The following NTRK3 variants were observed in gnomAD, a reference collection of about 807,000 sequenced individuals.
NTRK3 encodes the protein NT-3 growth factor receptor.
In NTRK3, 24 loss-of-function variants were observed where a neutral mutation model predicts 91.7. The observed-to-expected ratio is 0.26, with a 90% CI of 0.19 to 0.37. The LOEUF (loss-of-function observed/expected upper bound fraction) is 0.37. NTRK3 is among the 10% of genes least tolerant of loss of function. The probability of loss-of-function intolerance (pLI) is 1.00; values close to 1 mark genes in which losing one functional copy is unlikely to be tolerated. For missense variants in NTRK3, 880 were observed against 1,068.9 expected, an observed-to-expected ratio of 0.82 and a Z score of 2.46; for synonymous variants, 483 against 404.0, an observed-to-expected ratio of 1.20 and a Z score of -2.34.
At chr15:87,895,285 A>T (rs1337209861) in intron 17 of NTRK3, among the ~76,000 whole-genome samples, 2 of 152,358 alleles carry the variant, frequency 1.3e-5, no homozygotes, top group South Asian at 2.1e-4. Flanking sequence ...TATAGCATAC[A>T]TACACAAAGG....
intron 5 of NTRK3, among the ~76,000 whole-genome samples, chr15:88,182,570 G>A (rs922520138): frequency 1.3e-5 from 2 of 152,162 alleles, no homozygotes; most frequent in Admixed American, 6.5e-5. Flanking sequence ...GGTTCCTGCA[G>A]AGCCTCTGCT....
At chr15:87,933,947 G>A (rs2069034005) in intron 15 of NTRK3, among the ~76,000 whole-genome samples, 1 of 152,190 alleles carries the variant, frequency 6.6e-6, no homozygotes. Flanking sequence ...CTGTCAGGGT[G>A]AAAACTCAAG....
At chr15:87,971,947 T>C (rs2073289865) in intron 14 of NTRK3, among the ~76,000 whole-genome samples, 1 of 152,162 alleles carries the variant, frequency 6.6e-6, no homozygotes, top group Non-Finnish European at 1.5e-5. Flanking sequence ...TTAAACGACA[T>C]TACGAGGTCC....
At chr15:87,984,837 G>C (rs377673366) in intron 14 of NTRK3, among the ~76,000 whole-genome samples, 1 of 152,116 alleles carries the variant, frequency 6.6e-6, no homozygotes, top group African/African-American at 2.4e-5. Flanking sequence ...CAGTTTATAC[G>C]AGGTGTGTGA....
intron 17 of NTRK3, among the ~76,000 whole-genome samples, chr15:87,910,919 C>A (rs1332340450): frequency 2.6e-5 from 4 of 151,902 alleles, no homozygotes; most frequent in Non-Finnish European, 5.9e-5. Context: ...AATTAGTGAC[C>A]CCAAAACTGC....
chr15:88,122,373 G>C (rs1050699772), intron 13 of NTRK3, among the ~76,000 whole-genome samples: 1 of 152,160 alleles, frequency 6.6e-6, no homozygotes, highest in Non-Finnish European at 1.5e-5. Context: ...CATGAGGGGA[G>C]AGACAGCTGA....
intron 13 of NTRK3, among the ~76,000 whole-genome samples, chr15:88,095,452 G>A (rs1294889246): frequency 6.6e-6 from 1 of 152,200 alleles, no homozygotes. Flanking sequence ...CTTACAGGGT[G>A]TCAATGTTGT....
chr15:87,980,364 T>TGTGC (rs397802016), intron 14 of NTRK3, among the ~76,000 whole-genome samples: 2 of 151,990 alleles, frequency 1.3e-5, no homozygotes, highest in African/African-American at 4.8e-5. Context: ...TGTACATGTG[T>TGTGC]TTCCATGTGT....
At chr15:88,145,600 T>A (rs6496464) in intron 6 of NTRK3, among the ~76,000 whole-genome samples, 77,120 of 151,934 alleles carry the variant, frequency 0.51, 21,292 homozygotes, top group African/African-American at 0.75. Flanking sequence ...AAACTCCACG[T>A]AACAGGTCAC....
intron 17 of NTRK3, among the ~76,000 whole-genome samples, chr15:87,907,486 C>G (rs139490184): frequency 1.3e-5 from 2 of 152,092 alleles, no homozygotes; most frequent in African/African-American, 4.8e-5. Context: ...ACTGTAAAAG[C>G]CTTCCTTCCC....
chr15:88,214,375 A>G (rs1168572875), intron 3 of NTRK3, among the ~76,000 whole-genome samples: 2 of 152,112 alleles, frequency 1.3e-5, no homozygotes, highest in African/African-American at 4.8e-5. Context: ...TCTCTACTCC[A>G]TCTTCACAAG....
chr15:87,873,142 C>G (rs1412644291), exon 19 of NTRK3: 1 of 232,122 alleles, frequency 4.3e-6, no homozygotes, highest in Non-Finnish European at 8.5e-6. Context: ...ATGACTTGCA[C>G]TAGTGTATTC....
chr15:88,185,543 G>T (rs745484857), intron 3 of NTRK3, among the ~76,000 whole-genome samples: 3 of 152,102 alleles, frequency 2.0e-5, no homozygotes, highest in Non-Finnish European at 4.4e-5. Flanking sequence ...ATCCCAAGAG[G>T]CACCAAAGGA....
intron 17 of NTRK3, among the ~76,000 whole-genome samples, chr15:87,917,365 A>G (rs2067519201): frequency 1.3e-5 from 2 of 152,178 alleles, no homozygotes; most frequent in Admixed American, 6.5e-5. Context: ...TGAGCAAACC[A>G]TCTGTCTGGG....
intron 17 of NTRK3, chr15:87,928,437 T>C (rs2068513692): frequency 6.6e-6 from 1 of 152,058 alleles, no homozygotes; most frequent in South Asian, 2.1e-4. Flanking sequence ...AATCAGTCAA[T>C]AATCCATGGA....
intron 13 of NTRK3, chr15:88,072,688 G>T (rs555154625): frequency 8.6e-6 from 2 of 232,610 alleles, no homozygotes; most frequent in African/African-American, 4.4e-5. Flanking sequence ...CAGGGAAGTT[G>T]TACCAAGAGG....
chr15:87,961,852 AG>A (rs2072328781), intron 14 of NTRK3, among the ~76,000 whole-genome samples: 1 of 152,274 alleles, frequency 6.6e-6, no homozygotes, highest in African/African-American at 2.4e-5. Flanking sequence ...AGCAATGAGC[AG>A]GTGCTCAGAC....
intron 3 of NTRK3, among the ~76,000 whole-genome samples, chr15:88,186,160 T>C (rs751451337): frequency 1.3e-5 from 2 of 152,218 alleles, no homozygotes; most frequent in Non-Finnish European, 2.9e-5. Flanking sequence ...ATCACCATGA[T>C]TGTACAGAAT....
intron 13 of NTRK3, among the ~76,000 whole-genome samples, chr15:88,064,610 T>C (rs1190681762): frequency 6.6e-6 from 1 of 152,238 alleles, no homozygotes; most frequent in African/African-American, 2.4e-5. Context: ...TCTAGGTCTG[T>C]CTGGTTTCTA....
Sources: gnomAD v4.1 joint callset for allele counts (sites outside exome capture counted in the v4.1 genomes callset) on GRCh38, gnomAD v4.1.1 for gene constraint, MANE v1.5 for transcripts, NCBI Gene and HGNC (gene_info 2026-07-23, HGNC 2026-07-21) for gene names.